Variants in FARP1 observed in about 807,000 individuals in gnomAD.
FARP1 encodes FERM, ARHGEF and pleckstrin domain-containing protein 1.
In FARP1, 52 loss-of-function variants were observed where a neutral mutation model predicts 128.8. The ratio of observed to expected loss-of-function variants is 0.40; its 90% CI spans 0.32 to 0.51. FARP1 has a LOEUF of 0.51. FARP1 is among the 20% of genes least tolerant of loss of function. The probability of loss-of-function intolerance (pLI) is 0.45; values close to 1 mark genes in which losing one functional copy is unlikely to be tolerated. For missense variants in FARP1, 1,333 were observed against 1,367.9 expected (o/e 0.97, Z 0.40); for synonymous variants, 580 against 551.8 (o/e 1.05, Z -0.72).
intron 2 of FARP1, among the ~76,000 whole-genome samples, chr13:98,341,427 T>A (rs1376340647): frequency 1.3e-5 from 2 of 151,708 alleles, no homozygotes; most frequent in Non-Finnish European, 2.9e-5. Flanking sequence ...AGGTCAGGAG[T>A]TCGAGACCAG....
intron 2 of FARP1, among the ~76,000 whole-genome samples, chr13:98,314,557 C>T (rs537171324): frequency 1.9e-3 from 283 of 152,260 alleles, no homozygotes; most frequent in South Asian, 6.0e-3. Context: ...GGATTACAGG[C>T]ATGAGCCACC....
intron 1 of FARP1, among the ~76,000 whole-genome samples, chr13:98,208,311 G>C (rs1295763893): frequency 7.9e-6 from 1 of 126,312 alleles, no homozygotes; most frequent in Non-Finnish European, 1.6e-5. Flanking sequence ...ATCTCTACTG[G>C]GGAGAAAAAA....
Position 98,409,365 on chromosome 13 carries a change from C to T in FARP1, c.1442C>T (p.Ser481Phe), listed in dbSNP as rs1343579205. ...TCCCTGACTGGCAGTCCTCACCTTTCCGAGCTGTCTGTGAACTCGCAGGGG... is the reference window on the plus strand; with the variant it reads ...TCCCTGACTGGCAGTCCTCACCTTTTCGAGCTGTCTGTGAACTCGCAGGGG... ...TGSLTGSPHLSELSVNSQGGV... is the reference protein window; with the variant it reads ...TGSLTGSPHLFELSVNSQGGV... Residue 481 changes from serine (S) to phenylalanine (F), a missense_variant, in exon 14 of 27, where the codon TCC (serine) becomes TTC (phenylalanine). By Grantham distance (155) the Ser-to-Phe change is radical. This residue lies in a region of FARP1 where 1,009 missense variants were observed against 969.8 expected (regional missense o/e 1.04). Transcript: ENST00000319562. 6.2e-7 allele frequency: 1 copy of T among 1,613,742 alleles called. No homozygotes were observed. Among genetic ancestry groups the T allele is most frequent in the African/African-American group, 1.3e-5 (1 of 74,892 alleles).
At chr13:98,307,298 G>T (rs1871705) in intron 2 of FARP1, among the ~76,000 whole-genome samples, 91,368 of 151,674 alleles carry the variant, frequency 0.6, 28,039 homozygotes, top group East Asian at 0.98. Flanking sequence ...TTTTTGAAAT[G>T]TATTGGAGGT....
intron 2 of FARP1, among the ~76,000 whole-genome samples, chr13:98,314,087 G>A (rs1364792540): frequency 6.6e-6 from 1 of 151,960 alleles, no homozygotes; most frequent in Admixed American, 6.6e-5. Context: ...ACGTGTGTGC[G>A]GATGGGTACA....
chr13:98,383,302 C>G (rs1468295995), intron 6 of FARP1, among the ~76,000 whole-genome samples: 1 of 152,152 alleles, frequency 6.6e-6, no homozygotes, highest in South Asian at 2.1e-4. Flanking sequence ...TGTGATGGAG[C>G]GTGGCAATTT....
chr13:98,361,966 T>G (rs1185104371), intron 3 of FARP1, among the ~76,000 whole-genome samples: 4 of 152,104 alleles, frequency 2.6e-5, no homozygotes, highest in Non-Finnish European at 5.9e-5. Flanking sequence ...TCATTCCAGT[T>G]AAAAACAAGT....
chr13:98,379,337 G>A (rs1427049088), intron 6 of FARP1, among the ~76,000 whole-genome samples: 1 of 148,654 alleles, frequency 6.7e-6, no homozygotes, highest in Non-Finnish European at 1.5e-5. Context: ...GGAATCCTTA[G>A]CACAGAACTT....
chr13:98,366,165 T>C (rs1889074667), intron 4 of FARP1, among the ~76,000 whole-genome samples: 1 of 152,150 alleles, frequency 6.6e-6, no homozygotes, highest in Non-Finnish European at 1.5e-5. Flanking sequence ...CTGAGAATAC[T>C]GTATCCTTTT....
intron 24 of FARP1, among the ~76,000 whole-genome samples, chr13:98,443,200 G>C (rs1892599302): frequency 6.6e-6 from 1 of 152,228 alleles, no homozygotes; most frequent in Admixed American, 6.5e-5. Context: ...GGCCTGCAAA[G>C]CCTGAAATAT....
chr13:98,426,110 C>A (rs1566310728), intron 17 of FARP1, among the ~76,000 whole-genome samples: 2 of 152,196 alleles, frequency 1.3e-5, no homozygotes, highest in Non-Finnish European at 2.9e-5. Context: ...ACAAGACACT[C>A]ATAGAATGAA....
At chr13:98,298,448 T>C (rs891653753) in intron 2 of FARP1, among the ~76,000 whole-genome samples, 3 of 152,196 alleles carry the variant, frequency 2.0e-5, no homozygotes, top group Admixed American at 6.5e-5. Flanking sequence ...GAAACTCTTA[T>C]GGGACTGCAC....
intron 2 of FARP1, among the ~76,000 whole-genome samples, chr13:98,298,444 C>T (rs1227770573): frequency 1.3e-5 from 2 of 152,178 alleles, no homozygotes; most frequent in Non-Finnish European, 2.9e-5. Context: ...GATAGAAACT[C>T]TTATGGGACT....
Position 98,448,945 on chromosome 13 carries a change from T to A in FARP1, c.*628T>A, listed in dbSNP as rs1408580652. The A allele has an allele frequency of 6.6e-6, 1 of 152,240 alleles. No individual in the cohort carries two copies. Among genetic ancestry groups the A allele is most frequent in the African/African-American group, 2.4e-5 (1 of 41,458 alleles). 9.4% of individuals were successfully genotyped at this position (152,240 alleles called of 1,614,324 possible). ...TGAAAACACCTGTTCCCAACCTACT[T>A]CTTGGTGCAAGTTGACCAAATCGTT... On this transcript the variant is annotated 3_prime_UTR_variant, in exon 27 of 27. Transcript: ENST00000319562.
At chr13:98,187,397 G>A (rs577557292) in intron 1 of FARP1, among the ~76,000 whole-genome samples, 11 of 152,292 alleles carry the variant, frequency 7.2e-5, no homozygotes, top group African/African-American at 2.6e-4. Context: ...AACACAAGAT[G>A]CTTTGAGCTC....
chr13:98,305,118 A>ATAT (rs1555335715), intron 2 of FARP1, among the ~76,000 whole-genome samples: 39,901 of 102,752 alleles, frequency 0.39, 5,639 homozygotes, highest in Admixed American at 0.46. Flanking sequence ...ATATATATAT[A>ATAT]TTTTTTAATT....
intron 2 of FARP1, among the ~76,000 whole-genome samples, chr13:98,256,959 A>ATATATATATATATG (rs1883638940): frequency 9.4e-6 from 1 of 106,492 alleles, no homozygotes; most frequent in Non-Finnish European, 1.8e-5. Flanking sequence ...ATATATATAT[A>ATATATATATATATG]TATATATATA....
intron 3 of FARP1, among the ~76,000 whole-genome samples, chr13:98,346,244 C>T (rs1888174007): frequency 1.4e-5 from 2 of 138,728 alleles, no homozygotes; most frequent in Non-Finnish European, 3.0e-5. Context: ...GGCAGGAGTG[C>T]AGTGGTGCGA....
Position 98,312,503 on chromosome 13 carries a change from G to T in FARP1, c.172-31259G>T, listed in dbSNP as rs369002174. On this transcript the variant is annotated intron_variant, in intron 2 of 26. Transcript: ENST00000319562. The stretch of plus-strand genomic sequence containing the variant: ...AAGGTGCATGTTTGTGCTTCAAACT[G>T]TAAGTATTCAAGATAGAGAAAAGAT... Among the ~76,000 whole-genome samples the T allele has an allele frequency of 2.1e-4, 32 of 152,264 alleles. No individual in the cohort carries two copies. The South Asian group carries it at 6.6e-3, about 32-fold the overall frequency.
Sources: allele counts gnomAD v4.1 joint callset (sites outside exome capture counted in the v4.1 genomes callset), GRCh38; gene constraint gnomAD v4.1.1; regional missense constraint gnomAD v4.1.1; transcripts MANE v1.5; gene names NCBI Gene and HGNC (gene_info 2026-07-23, HGNC 2026-07-21).